CEP112: variants seen among roughly 807,000 people sequenced by gnomAD.
The protein encoded by CEP112 is centrosomal protein of 112 kDa.
CEP112 carries 127 observed loss-of-function variants against 153.0 expected under a neutral mutation model. The ratio of observed to expected loss-of-function variants is 0.83; its 90% CI spans 0.72 to 0.96. CEP112 has a LOEUF of 0.96. Ranked by LOEUF, CEP112 falls within the 40% of genes least tolerant of loss-of-function variation. The pLI, the probability that CEP112 is intolerant of heterozygous loss-of-function variation, is 0.00. For missense variants in CEP112, 1,089 were observed against 1,101.2 expected (o/e 0.99, Z 0.16); for synonymous variants, 358 against 374.4 (o/e 0.96, Z 0.51).
intron 17 of CEP112, among the ~76,000 whole-genome samples, chr17:65,980,600 A>T (rs1381367861): frequency 6.6e-6 from 1 of 152,110 alleles, no homozygotes; most frequent in Non-Finnish European, 1.5e-5. Context: ...CTTCCTTCAA[A>T]ACTTAGCTTA....
chr17:66,186,817 C>G (rs1453629313), intron 1 of CEP112, among the ~76,000 whole-genome samples: 1 of 152,186 alleles, frequency 6.6e-6, no homozygotes. Context: ...CCTACAGCCC[C>G]TTGAATAACT....
Position 66,096,756 on chromosome 17 carries a change from T to C in CEP112, c.643-124A>G. 2 of 664,758 alleles carry C rather than the reference T, an allele frequency of 3.0e-6. 1 individual carries two copies. Among genetic ancestry groups the C allele is most frequent in the South Asian group, 4.0e-5 (2 of 49,694 alleles). 41.2% of individuals were successfully genotyped at this position (664,758 alleles called of 1,614,324 possible). ...TTCTAGATTCTTAATATTTAATTCA[T>C]TTTTAGAATGGGTATTGTATGATAT... On this transcript the variant is annotated intron_variant, in intron 6 of 26. Coordinates refer to ENST00000535342, the MANE Select transcript of CEP112 (RefSeq NM_001199165.4).
intron 21 of CEP112, among the ~76,000 whole-genome samples, chr17:65,778,981 C>G (rs940609310): frequency 2.0e-5 from 3 of 148,448 alleles, no homozygotes; most frequent in African/African-American, 7.4e-5. Flanking sequence ...CCCTGGGTGA[C>G]AGAGCAAGAC....
At chr17:65,944,494 T>G (rs1379592488) in intron 18 of CEP112, among the ~76,000 whole-genome samples, 2 of 152,256 alleles carry the variant, frequency 1.3e-5, no homozygotes, top group Admixed American at 6.5e-5. Context: ...AATGGGTTAT[T>G]ATTACAGTTA....
rs552972553 is a variant in CEP112 at position 66,014,848 on chromosome 17, C to A, written c.1657-9079G>T. Among the ~76,000 whole-genome samples the A allele has an allele frequency of 2.0e-5, 3 of 152,302 alleles. No individual in the cohort carries two copies. The East Asian group carries it at 5.8e-4, about 29-fold the overall frequency. The stretch of plus-strand genomic sequence containing the variant: ...GATCGACTTGGAATGTGCCAGTCTT[C>A]CCAATGTCCTACCCCCTTGGTGGCA... On this transcript the variant is annotated intron_variant, in intron 16 of 26. Coordinates refer to ENST00000535342, the MANE Select transcript of CEP112 (RefSeq NM_001199165.4).
chr17:66,042,882 C>T (rs1236845451), intron 12 of CEP112, among the ~76,000 whole-genome samples: 1 of 152,048 alleles, frequency 6.6e-6, no homozygotes, highest in East Asian at 1.9e-4. Flanking sequence ...TTTTATTCAA[C>T]ATGATGAATT....
intron 17 of CEP112, among the ~76,000 whole-genome samples, chr17:65,962,299 T>C (rs1301767429): frequency 1.3e-5 from 2 of 152,048 alleles, no homozygotes; most frequent in East Asian, 1.9e-4. Context: ...AATGTACAAA[T>C]AGAAAGATGT....
chr17:66,024,378 T>C (rs2065115917), intron 16 of CEP112, among the ~76,000 whole-genome samples: 1 of 151,990 alleles, frequency 6.6e-6, no homozygotes, highest in Non-Finnish European at 1.5e-5. Flanking sequence ...GAAGTCAAAT[T>C]ATCTGTTATT....
Position 66,050,034 on chromosome 17 carries a change from C to A in CEP112, c.1218+3702G>T, listed in dbSNP as rs2066374414. ...TTAAAAAACTCAAATTTAAAGGGCTCAAAATAATGCCAAAAAGTCCATAAC... is the reference window on the plus strand; with the variant it reads ...TTAAAAAACTCAAATTTAAAGGGCTAAAAATAATGCCAAAAAGTCCATAAC... On this transcript the variant is annotated intron_variant, in intron 12 of 26. Transcript: ENST00000535342. 2.0e-5 allele frequency among the ~76,000 whole-genome samples: 3 copies of A among 151,756 alleles called. No individual in the cohort carries two copies. In the South Asian group the frequency reaches 6.2e-4, roughly 32 times the overall value.
At chr17:66,107,988 A>G (rs78399982) in intron 6 of CEP112, among the ~76,000 whole-genome samples, 2,468 of 152,196 alleles carry the variant, frequency 0.016, 69 homozygotes, top group African/African-American at 0.056. Context: ...CCAGAAGTCA[A>G]TCCATATATT....
At chr17:65,958,958 G>A (rs1230482430) in intron 18 of CEP112, among the ~76,000 whole-genome samples, 2 of 152,288 alleles carry the variant, frequency 1.3e-5, no homozygotes, top group Non-Finnish European at 2.9e-5. Context: ...CAGATGTGGG[G>A]ACAACCAGCT....
At chr17:65,846,654 C>T (rs960611051) in intron 21 of CEP112, among the ~76,000 whole-genome samples, 9 of 152,132 alleles carry the variant, frequency 5.9e-5, no homozygotes, top group Admixed American at 3.3e-4. Flanking sequence ...CTACAAGCTC[C>T]GCCTCCCGGG....
intron 16 of CEP112, among the ~76,000 whole-genome samples, chr17:66,026,143 T>C (rs559160509): frequency 6.6e-6 from 1 of 151,364 alleles, no homozygotes; most frequent in African/African-American, 2.4e-5. Flanking sequence ...GGGTGGGAGG[T>C]TAGGAGGGGA....
chr17:66,154,852 AATTGCC>A (rs1456818825), intron 4 of CEP112, among the ~76,000 whole-genome samples: 1 of 152,234 alleles, frequency 6.6e-6, no homozygotes, highest in Non-Finnish European at 1.5e-5. Context: ...ATTTAAATTT[AATTGCC>A]ATTATAACAA....
chr17:65,963,489 T>G (rs1381077295), intron 17 of CEP112, among the ~76,000 whole-genome samples: 1 of 152,110 alleles, frequency 6.6e-6, no homozygotes, highest in Non-Finnish European at 1.5e-5. Context: ...TATATCAAAA[T>G]ACCAAACTTT....
chr17:65,784,364 T>C (rs940207754), intron 21 of CEP112, among the ~76,000 whole-genome samples: 21 of 152,230 alleles, frequency 1.4e-4, no homozygotes, highest in African/African-American at 5.1e-4. Flanking sequence ...CAGTAGATTC[T>C]GGTTACTCTT....
intron 21 of CEP112, among the ~76,000 whole-genome samples, chr17:65,790,899 C>T (rs1451255342): frequency 6.6e-6 from 1 of 152,196 alleles, no homozygotes; most frequent in Admixed American, 6.5e-5. Flanking sequence ...AACCTTCCAT[C>T]TTAGTCTAAC....
chr17:66,075,589 A>G (rs141771827), intron 8 of CEP112, among the ~76,000 whole-genome samples: 1 of 152,352 alleles, frequency 6.6e-6, no homozygotes, highest in Non-Finnish European at 1.5e-5. Flanking sequence ...ACCTAACCAT[A>G]TCGATCAGTA....
intron 16 of CEP112, among the ~76,000 whole-genome samples, chr17:66,019,955 T>A (rs1435071146): frequency 2.0e-5 from 3 of 152,228 alleles, no homozygotes; most frequent in Non-Finnish European, 2.9e-5. Flanking sequence ...AAGATTTCCT[T>A]TCTAGGTCTA....
Sources: gnomAD v4.1 joint callset for allele counts (sites outside exome capture counted in the v4.1 genomes callset) on GRCh38, gnomAD v4.1.1 for gene constraint, MANE v1.5 for transcripts, NCBI Gene and HGNC (gene_info 2026-07-23, HGNC 2026-07-21) for gene names.